LRRC38: variants seen among roughly 807,000 people sequenced by gnomAD.
LRRC38 encodes leucine-rich repeat-containing protein 38.
LRRC38 carries 5 observed loss-of-function variants against 16.4 expected under a neutral mutation model. The ratio of observed to expected loss-of-function variants is 0.31; its 90% CI spans 0.16 to 0.64. The LOEUF (loss-of-function observed/expected upper bound fraction) is 0.64, where lower values mean the gene tolerates loss of function less well. Among genes scored for constraint, LRRC38 ranks in the 30% least tolerant of loss-of-function variants. The probability of loss-of-function intolerance (pLI) is 0.80; values close to 1 mark genes in which losing one functional copy is unlikely to be tolerated. For missense variants in LRRC38, 341 were observed against 401.8 expected (o/e 0.85, Z 1.29); for synonymous variants, 191 against 190.2 (o/e 1.00, Z -0.04).
chr1:13,493,320 C>T (rs1639040658), intron 1 of LRRC38, among the ~76,000 whole-genome samples: 1 of 151,532 alleles, frequency 6.6e-6, no homozygotes, highest in Admixed American at 6.6e-5. Context: ...GGGAAGTGAC[C>T]TCGGGGTGGG....
chr1:13,498,782 C>T (rs933475905), intron 1 of LRRC38, among the ~76,000 whole-genome samples: 2 of 152,190 alleles, frequency 1.3e-5, no homozygotes, highest in Non-Finnish European at 2.9e-5. Flanking sequence ...CACAATACCA[C>T]CAACTGGGTG....
At chr1:13,482,838 G>T (rs1638886277) in intron 1 of LRRC38, among the ~76,000 whole-genome samples, 1 of 152,170 alleles carries the variant, frequency 6.6e-6, no homozygotes, top group Non-Finnish European at 1.5e-5. Context: ...TGTGTGCCTA[G>T]CACACTTCAA....
chr1:13,485,955 C>A (rs147177801), intron 1 of LRRC38, among the ~76,000 whole-genome samples: 1 of 152,118 alleles, frequency 6.6e-6, no homozygotes, highest in African/African-American at 2.4e-5. Flanking sequence ...TTTTTTGAGA[C>A]GGAGTCTCGC....
At chr1:13,512,855 C>T in intron 1 of LRRC38, 108 bp downstream of exon 1, 1 of 1,192,168 alleles carries the variant, frequency 8.4e-7, no homozygotes, top group African/African-American at 1.5e-5. Flanking sequence ...ATCCCCCAAG[C>T]CTCCTCTTCC....
At chr1:13,497,463 G>A (rs567976266) in intron 1 of LRRC38, among the ~76,000 whole-genome samples, 2 of 152,098 alleles carry the variant, frequency 1.3e-5, no homozygotes, top group African/African-American at 4.8e-5. Flanking sequence ...TCTGATGTGA[G>A]ATTTGAGGGG....
rs946932347 is a variant in LRRC38 at position 13,487,915 on chromosome 1, T to A, written c.632-11816A>T. On this transcript the variant is annotated intron_variant, in intron 1 of 1. Coordinates refer to ENST00000376085, the MANE Select transcript of LRRC38 (RefSeq NM_001010847.2). This position sits in a 1 kb window ranked among gnomAD's most constrained non-coding sequence, Gnocchi z 4.4. Reference sequence around the variant, plus strand: ...TTAAAAATATTTTTTTGTTTTCTTATCTCCACATATTAGGCAAAGCTCACA... The same window carrying A: ...TTAAAAATATTTTTTTGTTTTCTTAACTCCACATATTAGGCAAAGCTCACA... Among the ~76,000 whole-genome samples, 1 of 151,976 alleles carries A rather than the reference T, an allele frequency of 6.6e-6. No homozygotes were observed. Among genetic ancestry groups the A allele is most frequent in the African/African-American group, 2.4e-5 (1 of 41,364 alleles).
chr1:13,509,350 T>A (rs1639249394), intron 1 of LRRC38, among the ~76,000 whole-genome samples: 1 of 152,016 alleles, frequency 6.6e-6, no homozygotes, highest in Admixed American at 6.6e-5. Flanking sequence ...CAAGTGCCCC[T>A]CCTGTGATAC....
Position 13,475,755 on chromosome 1 carries a change from A to G in LRRC38, c.*91T>C, listed in dbSNP as rs1638778481. The G allele has an allele frequency of 2.7e-6, 4 of 1,475,500 alleles. No homozygotes were observed. Among genetic ancestry groups the G allele is most frequent in the Non-Finnish European group, 3.6e-6 (4 of 1,102,632 alleles). The allele number at this position is 1,475,500 out of a possible 1,614,324, so 91.4% of individuals were successfully genotyped here. On this transcript the variant is annotated 3_prime_UTR_variant, in exon 2 of 2. Coordinates refer to ENST00000376085, the MANE Select transcript of LRRC38 (RefSeq NM_001010847.2). The surrounding 1 kb of genome is among the most constrained non-coding windows in gnomAD (Gnocchi z 4.3). ...TCTGTTCAGTTCACAGATGGTGGCC[A>G]GTGCTTTTCCATTTTCAGCATTTCC...
At chr1:13,482,358 C>A (rs927383827) in intron 1 of LRRC38, among the ~76,000 whole-genome samples, 4 of 151,964 alleles carry the variant, frequency 2.6e-5, no homozygotes, top group African/African-American at 9.7e-5. Context: ...GGGTGGATCG[C>A]CTGAATGCAG....
In LRRC38 at chr1:13,499,868, T is replaced by C. The variant is rs117060428; in HGVS notation, c.631+13095A>G. 1.8e-4 allele frequency among the ~76,000 whole-genome samples: 27 copies of C among 152,118 alleles called. No individual in the cohort carries two copies. The East Asian group carries it at 5.2e-3, about 29-fold the overall frequency. On this transcript the variant is annotated intron_variant, in intron 1 of 1. Coordinates refer to ENST00000376085, the MANE Select transcript of LRRC38 (RefSeq NM_001010847.2). The stretch of plus-strand genomic sequence containing the variant: ...ATGTGTATTGTGAAAGGAAAATAAA[T>C]CTCACCCAAATCACTAAGCCAAAGG...
chr1:13,485,172 G>C (rs1049463790), intron 1 of LRRC38, among the ~76,000 whole-genome samples: 1 of 151,924 alleles, frequency 6.6e-6, no homozygotes, highest in Non-Finnish European at 1.5e-5. Context: ...ACCTACTCAG[G>C]AGGCTGAAGC....
chr1:13,481,808 T>TCC (rs1638873223), intron 1 of LRRC38, among the ~76,000 whole-genome samples: 1 of 136,172 alleles, frequency 7.3e-6, no homozygotes. Flanking sequence ...TCTCTCTCTC[T>TCC]CTCTCTCTCT....
At chr1:13,476,254 GA>G (rs70981221) in intron 1 of LRRC38, among the ~76,000 whole-genome samples, 155 bp from the exon 2 acceptor site, 17,672 of 132,290 alleles carry the variant, frequency 0.13, 1,217 homozygotes, top group Middle Eastern at 0.21. Flanking sequence ...ATTTAAACTT[GA>G]AAAAAAAAAA....
intron 1 of LRRC38, among the ~76,000 whole-genome samples, chr1:13,483,496 CT>C (rs1417760214): frequency 1.3e-5 from 2 of 152,300 alleles, no homozygotes; most frequent in South Asian, 2.1e-4. Flanking sequence ...TCCAGCCACC[CT>C]CCTGATCCCA....
At chr1:13,498,652 A>C (rs992500889) in intron 1 of LRRC38, among the ~76,000 whole-genome samples, 3 of 151,866 alleles carry the variant, frequency 2.0e-5, no homozygotes, top group African/African-American at 7.3e-5. Flanking sequence ...CAAAATAAAA[A>C]CCAAATAAAC....
At chr1:13,485,647 A>G (rs1221939216) in intron 1 of LRRC38, among the ~76,000 whole-genome samples, 1 of 152,060 alleles carries the variant, frequency 6.6e-6, no homozygotes, top group Admixed American at 6.5e-5. Context: ...GATTATGCCA[A>G]AGCTGCACAA....
chr1:13,510,990 AC>A (rs1639267565), intron 1 of LRRC38, among the ~76,000 whole-genome samples: 1 of 152,152 alleles, frequency 6.6e-6, no homozygotes, highest in South Asian at 2.1e-4. Context: ...TGCTCATGGC[AC>A]TGCACCCTGT....
chr1:13,489,238 T>C (rs186849201), intron 1 of LRRC38, among the ~76,000 whole-genome samples: 219 of 152,222 alleles, frequency 1.4e-3, no homozygotes, highest in Middle Eastern at 3.4e-3. Flanking sequence ...TGCCTTCCCC[T>C]CCCTGGCTAA....
At chr1:13,492,134 G>A (rs1362082009) in intron 1 of LRRC38, among the ~76,000 whole-genome samples, 1 of 152,062 alleles carries the variant, frequency 6.6e-6, no homozygotes, top group Non-Finnish European at 1.5e-5. Flanking sequence ...CTCCTCCCAG[G>A]CACAGGCAAA....
Sources: gnomAD v4.1 joint callset for allele counts (sites outside exome capture counted in the v4.1 genomes callset) on GRCh38, gnomAD v4.1.1 for gene constraint, Gnocchi (gnomAD v3.1) non-coding constraint, MANE v1.5 for transcripts, NCBI Gene and HGNC (gene_info 2026-07-23, HGNC 2026-07-21) for gene names.